Variants in NTM observed in about 807,000 individuals in gnomAD.
The protein encoded by NTM is IgLON family member 2.
Under a neutral mutation model 42.1 loss-of-function variants are expected in NTM, and 13 were observed. The ratio of observed to expected loss-of-function variants is 0.31; its 90% confidence interval spans 0.20 to 0.49. The LOEUF (loss-of-function observed/expected upper bound fraction) is 0.49, where lower values mean the gene tolerates loss of function less well. NTM is among the 20% of genes least tolerant of loss of function. The pLI, the probability that NTM is intolerant of heterozygous loss-of-function variation, is 0.99. For synonymous variants in NTM, 187 were observed against 179.2 expected (o/e 1.04, Z -0.35); for missense variants, 373 against 452.8 (o/e 0.82, Z 1.60).
At chr11:132,167,340 A>G (rs1305955907) in intron 3 of NTM, among the ~76,000 whole-genome samples, 5 of 151,968 alleles carry the variant, frequency 3.3e-5, no homozygotes, top group African/African-American at 1.2e-4. Flanking sequence ...TGCTGGGATT[A>G]CAGGTGTGAG....
chr11:131,600,994 T>A (rs1184149278), intron 1 of NTM, among the ~76,000 whole-genome samples: 1 of 152,190 alleles, frequency 6.6e-6, no homozygotes, highest in Non-Finnish European at 1.5e-5. Context: ...AGCTTGAAGA[T>A]CATATGCCCA....
At chr11:132,125,430 G>A (rs1461550848) in intron 2 of NTM, among the ~76,000 whole-genome samples, 2 of 146,476 alleles carry the variant, frequency 1.4e-5, no homozygotes, top group Admixed American at 6.9e-5. Context: ...TGTATGTGGT[G>A]TGTGGTGAGG....
At chr11:132,232,309 A>T (rs1222275867) in intron 4 of NTM, among the ~76,000 whole-genome samples, 2 of 119,474 alleles carry the variant, frequency 1.7e-5, no homozygotes, top group Non-Finnish European at 3.2e-5. Context: ...AGGGGAAAAG[A>T]GGAGGAGAGA....
intron 7 of NTM, among the ~76,000 whole-genome samples, chr11:132,326,437 C>T (rs1372836432): frequency 6.6e-6 from 1 of 152,294 alleles, no homozygotes; most frequent in East Asian, 1.9e-4. Flanking sequence ...CAACCAGAAA[C>T]ACAAATTGAA....
chr11:131,589,167 A>ATGTT (rs1555158907), intron 1 of NTM, among the ~76,000 whole-genome samples: 494 of 143,592 alleles, frequency 3.4e-3, no homozygotes, highest in African/African-American at 8.7e-3. Context: ...ACCTGGAAAA[A>ATGTT]TGTGTGTGTG....
intron 3 of NTM, among the ~76,000 whole-genome samples, chr11:132,178,595 AAATGTAAAGTAATCATATATAAAATATG>A (rs2077140745): frequency 6.6e-6 from 1 of 152,222 alleles, no homozygotes; most frequent in African/African-American, 2.4e-5. Context: ...CAGCCTTTTC[AAATGTAAAGTAATCATATATAAAATATG>A]ACCTGGACAA....
chr11:132,024,569 A>G (rs1458659174), intron 2 of NTM, among the ~76,000 whole-genome samples: 1 of 152,076 alleles, frequency 6.6e-6, no homozygotes, highest in Non-Finnish European at 1.5e-5. Flanking sequence ...CAGTTGGTTG[A>G]ATCTATGCAT....
chr11:131,788,334 T>C lies in NTM; in HGVS notation c.83-123230T>C, dbSNP rs1019395063. Among the ~76,000 whole-genome samples the C allele has an allele frequency of 4.6e-5, 7 of 152,238 alleles. No individual in the cohort carries two copies. In the East Asian group the frequency reaches 9.6e-4, roughly 21 times the overall value. On this transcript the variant is annotated intron_variant, in intron 1 of 8. Transcript: ENST00000683400. The stretch of plus-strand genomic sequence containing the variant: ...TTTTTGTCAGATCCTTCCTGCCTTA[T>C]GGATCATTTCATTTTATATAATTGC...
At chr11:131,486,144 TTGA>T (rs570997682) in intron 1 of NTM, among the ~76,000 whole-genome samples, 2 of 152,170 alleles carry the variant, frequency 1.3e-5, no homozygotes, top group African/African-American at 2.4e-5. Context: ...GGTTTAGTGT[TTGA>T]TGATGATGAT....
At chr11:131,681,399 A>G (rs1268748314) in intron 1 of NTM, among the ~76,000 whole-genome samples, 5 of 11,932 alleles carry the variant, frequency 4.2e-4, no homozygotes, top group East Asian at 0.01. Context: ...GTCTGTGTGT[A>G]TGTCTCCCTG....
Position 132,199,690 on chromosome 11 carries a change from A to AC in NTM, c.401-12332_401-12331insC, listed in dbSNP as rs755106090. Among the ~76,000 whole-genome samples the AC allele has an allele frequency of 3.4e-3, 524 of 152,134 alleles. 1 individual carries two copies. The highest frequency in any genetic ancestry group is 4.1e-3 in the Non-Finnish European group (280 of 67,994). The stretch of plus-strand genomic sequence containing the variant: ...AACTGGTGAGCGAGAAAGAAGAGTT[A>AC]TTGTCAAATTCCCAACTTGCCCTTT... On this transcript the variant is annotated intron_variant, in intron 3 of 8. Coordinates refer to ENST00000683400, the MANE Select transcript of NTM (RefSeq NM_001352005.2).
chr11:131,606,730 T>C (rs2060994006), intron 1 of NTM, among the ~76,000 whole-genome samples: 2 of 152,204 alleles, frequency 1.3e-5, no homozygotes, highest in Admixed American at 6.5e-5. Flanking sequence ...AGCAAGTACA[T>C]TTTGTTTCTT....
chr11:131,562,441 G>A (rs529135054), intron 1 of NTM, among the ~76,000 whole-genome samples: 3 of 152,118 alleles, frequency 2.0e-5, no homozygotes, highest in East Asian at 1.9e-4. Context: ...TGGGGAATTC[G>A]CTGATGGTAT....
At chr11:131,855,670 C>T (rs2046021154) in intron 1 of NTM, among the ~76,000 whole-genome samples, 1 of 152,318 alleles carries the variant, frequency 6.6e-6, no homozygotes, top group African/African-American at 2.4e-5. Context: ...AACTTTCATC[C>T]TAACAATGTG....
chr11:131,590,175 C>G (rs1383663487), intron 1 of NTM, among the ~76,000 whole-genome samples: 1 of 152,188 alleles, frequency 6.6e-6, no homozygotes, highest in Non-Finnish European at 1.5e-5. Flanking sequence ...CCTCTGTCCC[C>G]TCCCCAGTCA....
At chr11:132,296,091 A>G (rs756093035) in intron 4 of NTM, among the ~76,000 whole-genome samples, 22 of 152,202 alleles carry the variant, frequency 1.4e-4, no homozygotes, top group Non-Finnish European at 2.8e-4. Context: ...GGATTCGACA[A>G]TGCTGCCAAG....
chr11:131,609,746 GA>G (rs562567253), intron 1 of NTM, among the ~76,000 whole-genome samples: 81 of 152,286 alleles, frequency 5.3e-4, no homozygotes, highest in African/African-American at 1.9e-3. Flanking sequence ...TCCTCTTGAA[GA>G]GCCAAACATG....
At chr11:131,931,468 CGTGTGTGTGTGTGTGT>C (rs147069139) in intron 2 of NTM, among the ~76,000 whole-genome samples, 1 of 142,708 alleles carries the variant, frequency 7.0e-6, no homozygotes, top group South Asian at 2.3e-4. Flanking sequence ...ATAATATATA[CGTGTGTGTGTGTGTGT>C]GTGTGTGTGT....
At chr11:131,455,676 G>A (rs371113274) in intron 1 of NTM, among the ~76,000 whole-genome samples, 51 of 152,264 alleles carry the variant, frequency 3.3e-4, no homozygotes, top group African/African-American at 1.1e-3. Context: ...TGTATTATAC[G>A]AGGGGTCTGG....
Sources: gnomAD v4.1 joint callset for allele counts (sites outside exome capture counted in the v4.1 genomes callset) on GRCh38, gnomAD v4.1.1 for gene constraint, MANE v1.5 for transcripts, NCBI Gene and HGNC (gene_info 2026-07-23, HGNC 2026-07-21) for gene names.